The following GAS2 variants were observed in gnomAD, a reference collection of about 807,000 sequenced individuals.
The protein encoded by GAS2 is growth arrest specific 2.
GAS2 carries 20 observed loss-of-function variants against 37.5 expected under a neutral mutation model. That is an observed-to-expected ratio of 0.53 (90% CI 0.37 to 0.77). The LOEUF (loss-of-function observed/expected upper bound fraction) is 0.77. Ranked by LOEUF, GAS2 falls within the 30% of genes least tolerant of loss-of-function variation. The pLI is 0.00. For synonymous variants in GAS2, 144 were observed against 132.2 expected (o/e 1.09, Z -0.61); for missense variants, 336 against 373.4 (o/e 0.90, Z 0.82).
intron 6 of GAS2, among the ~76,000 whole-genome samples, chr11:22,750,443 A>C (rs1853664090): frequency 6.6e-6 from 1 of 152,102 alleles, no homozygotes. Context: ...TAAGGGCAGC[A>C]AGCATATTAG....
chr11:22,809,593 T>C (rs184599497), intron 7 of GAS2, among the ~76,000 whole-genome samples: 1 of 151,928 alleles, frequency 6.6e-6, no homozygotes, highest in African/African-American at 2.4e-5. Flanking sequence ...GTTCAAGCAA[T>C]TCTCCTGTCT....
At chr11:22,711,608 G>A (rs534198278) in intron 3 of GAS2, among the ~76,000 whole-genome samples, 2 of 152,308 alleles carry the variant, frequency 1.3e-5, no homozygotes, top group East Asian at 3.9e-4. Flanking sequence ...ATAGCCTGGG[G>A]CAAGATTTCA....
At chr11:22,699,777 G>A (rs549072590) in intron 3 of GAS2, among the ~76,000 whole-genome samples, 12 of 152,224 alleles carry the variant, frequency 7.9e-5, no homozygotes, top group Admixed American at 7.2e-4. Flanking sequence ...AGCACTGAGT[G>A]GTACCTAGTA....
At chr11:22,771,940 A>C (rs12287412) in intron 7 of GAS2, among the ~76,000 whole-genome samples, 1 of 152,152 alleles carries the variant, frequency 6.6e-6, no homozygotes, top group Non-Finnish European at 1.5e-5. Flanking sequence ...AATATTGGTC[A>C]TATACTATTA....
At chr11:22,682,712 T>C (rs1486582148) in intron 2 of GAS2, among the ~76,000 whole-genome samples, 2 of 151,708 alleles carry the variant, frequency 1.3e-5, no homozygotes, top group African/African-American at 4.8e-5. Flanking sequence ...ACCCTGTCTC[T>C]ACTAAAAATA....
intron 6 of GAS2, among the ~76,000 whole-genome samples, chr11:22,752,632 G>T (rs1157093686): frequency 7.9e-5 from 12 of 151,210 alleles, no homozygotes; most frequent in Non-Finnish European, 1.6e-4. Flanking sequence ...GCTATTATCT[G>T]CCACCCCAAA....
chr11:22,790,564 G>GAAACA, intron 7 of GAS2, among the ~76,000 whole-genome samples: 1 of 150,194 alleles, frequency 6.7e-6, no homozygotes, highest in Non-Finnish European at 1.5e-5. Flanking sequence ...TCGGCTGAAA[G>GAAACA]TATCCTCAAT....
At chr11:22,683,465 C>T (rs2133933524) in intron 2 of GAS2, among the ~76,000 whole-genome samples, 1 of 152,180 alleles carries the variant, frequency 6.6e-6, no homozygotes, top group East Asian at 1.9e-4. Context: ...AGGGTTTCAC[C>T]AAGTTAGCCA....
intron 3 of GAS2, among the ~76,000 whole-genome samples, chr11:22,698,893 T>C (rs1850682085): frequency 6.6e-6 from 1 of 152,212 alleles, no homozygotes; most frequent in African/African-American, 2.4e-5. Context: ...TTGTGATGGT[T>C]CTAGTGTTTA....
intron 5 of GAS2, 47 bp downstream of exon 5, chr11:22,737,815 A>T: frequency 1.3e-6 from 2 of 1,546,018 alleles, no homozygotes; most frequent in Non-Finnish European, 1.8e-6. Context: ...CGATTTCAGC[A>T]TCCAAGCAAC....
At chr11:22,678,731 G>T (rs1849547452) in intron 2 of GAS2, among the ~76,000 whole-genome samples, 1 of 151,726 alleles carries the variant, frequency 6.6e-6, no homozygotes, top group Non-Finnish European at 1.5e-5. Context: ...TAAAAATATG[G>T]TTCCTTAAAT....
intron 4 of GAS2, chr11:22,731,279 T>C (rs985952715): frequency 1.7e-5 from 7 of 416,050 alleles, no homozygotes; most frequent in Admixed American, 5.3e-5. Context: ...ATACACACTT[T>C]TTTTGCTTGC....
chr11:22,645,925 C>A (rs949741087), intron 1 of GAS2, among the ~76,000 whole-genome samples: 3 of 150,790 alleles, frequency 2.0e-5, no homozygotes, highest in Admixed American at 6.6e-5. Flanking sequence ...CTCACTGCAA[C>A]CTCCGCCTCC....
chr11:22,653,005 T>TTCTTTCTTTCTTTCTTTCTC (rs1565067504), intron 1 of GAS2, among the ~76,000 whole-genome samples: 2 of 86,596 alleles, frequency 2.3e-5, no homozygotes, highest in Admixed American at 2.4e-4. Flanking sequence ...CTTTCTTTCT[T>TTCTTTCTTTCTTTCTTTCTC]TCTTTCTTTC....
intron 3 of GAS2, among the ~76,000 whole-genome samples, chr11:22,712,227 A>T (rs1316678154): frequency 6.6e-6 from 1 of 152,202 alleles, no homozygotes; most frequent in Non-Finnish European, 1.5e-5. Flanking sequence ...CTTCACTGCT[A>T]GCATAACCAA....
At chr11:22,652,628 C>G (rs971896649) in intron 1 of GAS2, among the ~76,000 whole-genome samples, 2 of 152,226 alleles carry the variant, frequency 1.3e-5, no homozygotes, top group African/African-American at 4.8e-5. Flanking sequence ...TCCCGGTGTG[C>G]TGTGTTTTAA....
At chr11:22,717,534 A>G (rs1851740470) in intron 3 of GAS2, among the ~76,000 whole-genome samples, 1 of 152,174 alleles carries the variant, frequency 6.6e-6, no homozygotes, top group African/African-American at 2.4e-5. Flanking sequence ...CTGGAAGAAA[A>G]CATCAGGAAA....
intron 2 of GAS2, among the ~76,000 whole-genome samples, chr11:22,679,997 T>C (rs1292506938): frequency 6.6e-6 from 1 of 152,138 alleles, no homozygotes; most frequent in East Asian, 1.9e-4. Flanking sequence ...TAACATTTCA[T>C]TTTTTTTAGT....
At chr11:22,663,890 T>C, upstream of GAS2, among the ~76,000 whole-genome samples, 1 of 152,196 alleles carries the variant, frequency 6.6e-6, no homozygotes, top group East Asian at 1.9e-4. Context: ...TTGAAGGCCT[T>C]ATATTATAGA....
Sources: allele counts gnomAD v4.1 joint callset (sites outside exome capture counted in the v4.1 genomes callset), GRCh38; gene constraint gnomAD v4.1.1; transcripts MANE v1.5; gene names NCBI Gene and HGNC (gene_info 2026-07-23, HGNC 2026-07-21).